The following TMCC2 variants were observed in gnomAD, a reference collection of about 807,000 sequenced individuals.
TMCC2 encodes transmembrane and coiled-coil domain family 2.
A neutral mutation model predicts 49.4 loss-of-function variants in TMCC2; 16 were observed. That is an observed-to-expected ratio of 0.32 (90% CI 0.22 to 0.49). The LOEUF is 0.49. Ranked by LOEUF, TMCC2 falls within the 20% of genes least tolerant of loss-of-function variation. TMCC2 has a pLI of 0.99. For missense variants in TMCC2, 762 were observed against 989.8 expected, an observed-to-expected ratio of 0.77 and a Z score of 3.09; for synonymous variants, 397 against 434.1, an observed-to-expected ratio of 0.91 and a Z score of 1.06.
chr1:205,228,904 G>A (rs969394348), intron 1 of TMCC2, 133 bp downstream of exon 1: 38 of 1,437,138 alleles, frequency 2.6e-5, no homozygotes, highest in Middle Eastern at 2.6e-4. Context: ...CGGATGCTTT[G>A]CTGGCACCCC....
rs1318479598 is a variant in TMCC2 at position 205,269,482 on chromosome 1, A to G, written c.1280A>G (p.Glu427Gly). The G allele has an allele frequency of 2.5e-6, 4 of 1,607,820 alleles. No homozygotes were observed. Among genetic ancestry groups the G allele is most frequent in the Non-Finnish European group, 3.4e-6 (4 of 1,175,656 alleles). Residue 427 changes from glutamate (E) to glycine (G), a missense_variant, in exon 3 of 5, where the codon GAG becomes GGG. By Grantham distance (98) the Glu-to-Gly change is moderately conservative. Around this residue, in one of 2 missense-constraint regions of TMCC2, gnomAD observed 440 missense variants for 636.7 expected, o/e 0.69. Transcript: ENST00000358024. ...THTAVVSKPREFASLIRNKFG... is the reference protein window; with the variant it reads ...THTAVVSKPRGFASLIRNKFG... ...ACCGCCGTGGTGTCCAAGCCCCGGG[A>G]GTTTGCCAGCCTCATCCGCAACAAG...
rs758163167 is a variant in TMCC2, at chr1:205,269,312, G to A, written c.1110G>A (p.Ser370=). ...RLKEIEQNGP[S]RQPKDVLRDM... The stretch of plus-strand genomic sequence containing the variant: ...AGGAGATTGAGCAGAACGGGCCCTC[G>A]CGGCAGCCCAAGGACGTGCTGCGGG... The change falls in exon 3 of 5, where the codon TCG becomes TCA. Residue 370 remains serine (S), a synonymous_variant. Coordinates refer to ENST00000358024, the MANE Select transcript of TMCC2 (RefSeq NM_014858.4). 6.8e-6 allele frequency: 11 copies of A among 1,613,318 alleles called. No homozygotes were observed. Among genetic ancestry groups the A allele is most frequent in the Non-Finnish European group, 8.5e-6 (10 of 1,179,982 alleles).
intron 2 of TMCC2, among the ~76,000 whole-genome samples, chr1:205,268,570 C>T (rs1186645534): frequency 3.3e-5 from 5 of 152,144 alleles, no homozygotes; most frequent in Admixed American, 6.5e-5. Flanking sequence ...GCTGAGATTA[C>T]GCTACTGCAG....
intron 1 of TMCC2, among the ~76,000 whole-genome samples, chr1:205,234,985 G>A (rs1239331167): frequency 6.6e-6 from 1 of 152,052 alleles, no homozygotes; most frequent in African/African-American, 2.4e-5. Flanking sequence ...AGAAGGGGTG[G>A]GACATTTATT....
chr1:205,251,734 G>C (rs535224225), intron 2 of TMCC2, among the ~76,000 whole-genome samples: 1 of 152,330 alleles, frequency 6.6e-6, no homozygotes, highest in South Asian at 2.1e-4. Context: ...TGGCTTATGG[G>C]CATGCCCCCC....
intron 2 of TMCC2, among the ~76,000 whole-genome samples, chr1:205,243,379 G>A (rs554852626): frequency 6.7e-6 from 1 of 150,172 alleles, no homozygotes; most frequent in African/African-American, 2.4e-5. Context: ...GCGAGACTTC[G>A]TCTCAAAAAA....
rs1660267709 is a variant in TMCC2 at position 205,241,651 on chromosome 1, C to G, written c.354C>G (p.Asp118Glu). Residue 118 changes from aspartate (D) to glutamate (E), a missense_variant, in exon 2 of 5, where the codon GAC (aspartate) becomes GAG (glutamate). Physicochemically the swap from Asp to Glu is conservative, Grantham distance 45. Transcript: ENST00000358024. This position sits in a 1 kb window ranked among gnomAD's most constrained non-coding sequence, Gnocchi z 7.3. ...AGCAGCAGGGTATGTCCGACCATGA[C>G]TCCCCAGATGAGAAGGAGCGCTCTC... ...HQQQQGMSDHDSPDEKERSPE... is the reference protein window; with the variant it reads ...HQQQQGMSDHESPDEKERSPE... 6.2e-7 allele frequency: 1 copy of G among 1,613,796 alleles called. No homozygotes were observed. The highest frequency in any genetic ancestry group is 1.1e-5 in the South Asian group (1 of 91,078).
chr1:205,256,501 G>A (rs1210053821), intron 2 of TMCC2: 2 of 1,330,048 alleles, frequency 1.5e-6, no homozygotes, highest in East Asian at 2.5e-5. Flanking sequence ...TAGTGCAGAA[G>A]TGGCCATTGG....
intron 2 of TMCC2, among the ~76,000 whole-genome samples, chr1:205,251,754 C>T (rs1660678326): frequency 1.3e-5 from 2 of 152,216 alleles, no homozygotes; most frequent in South Asian, 4.1e-4. Context: ...CAAGAGGTGC[C>T]ACTCATGTCC....
Position 205,228,451 on chromosome 1 carries a change from C to G in TMCC2, c.-114C>G. ...TCAAGAAATTGTGGTCTGCCATCTC[C>G]CCTCCTTGTTAATAATTTAGACCCC... On this transcript the variant is annotated 5_prime_UTR_variant, in exon 1 of 5. Coordinates refer to ENST00000358024, the MANE Select transcript of TMCC2 (RefSeq NM_014858.4). The G allele has an allele frequency of 1.2e-6, 1 of 862,488 alleles. No homozygotes were observed. The highest frequency in any genetic ancestry group is 2.1e-5 in the South Asian group (1 of 46,970). 53.4% of individuals were successfully genotyped at this position (862,488 alleles called of 1,614,324 possible). A position where few individuals can be genotyped will look rare whatever the true frequency, so the allele number is the denominator to read the frequency against.
chr1:205,239,322 G>C lies in TMCC2; in HGVS notation c.208-2183G>C, dbSNP rs1660178502. On this transcript the variant is annotated intron_variant, in intron 1 of 4. Transcript: ENST00000358024. ...TCACATCAGCTTGGGCCTGGGGAAG[G>C]GGGAGGTGTCCTGGCAGGTCCCTGG... is the stretch of plus-strand genomic sequence containing the variant. Among the ~76,000 whole-genome samples the C allele has an allele frequency of 3.9e-5, 6 of 152,198 alleles. No individual in the cohort carries two copies. The South Asian group carries it at 1.2e-3, about 32-fold the overall frequency.
intron 1 of TMCC2, among the ~76,000 whole-genome samples, chr1:205,238,338 T>C (rs930988951): frequency 4.6e-5 from 7 of 152,324 alleles, no homozygotes; most frequent in Admixed American, 4.6e-4. Context: ...TGCGTCACTT[T>C]GCTGTTCCCG....
At position 205,271,868 on chromosome 1, in the gene TMCC2, A is replaced by AGCAGCAGGTGGT; in HGVS notation, c.1875_1886dup (p.Gln627_Gln630dup). ...ACCAAGCTGGAGCTGCAGCAGCAAC[A>AGCAGCAGGTGGT]GCAGCAGGTGGTACAGCTGGAGGGC... is the stretch of plus-strand genomic sequence containing the variant. On this transcript the variant is annotated inframe_insertion, in exon 5 of 5. Coordinates refer to ENST00000358024, the MANE Select transcript of TMCC2 (RefSeq NM_014858.4). The AGCAGCAGGTGGT allele has an allele frequency of 6.2e-7, 1 of 1,613,948 alleles. No homozygotes were observed. Among genetic ancestry groups the AGCAGCAGGTGGT allele is most frequent in the Non-Finnish European group, 8.5e-7 (1 of 1,180,020 alleles).
chr1:205,269,316 C>A lies in TMCC2; in HGVS notation c.1114C>A (p.Gln372Lys). 1 of 1,613,396 alleles carries A rather than the reference C, an allele frequency of 6.2e-7. No individual in the cohort carries two copies. The highest frequency in any genetic ancestry group is 8.5e-7 in the Non-Finnish European group (1 of 1,179,964). Reference sequence around the variant, plus strand: ...GATTGAGCAGAACGGGCCCTCGCGGCAGCCCAAGGACGTGCTGCGGGACAT... The same window carrying A: ...GATTGAGCAGAACGGGCCCTCGCGGAAGCCCAAGGACGTGCTGCGGGACAT... ...KEIEQNGPSR[Q>K]PKDVLRDMQQ... Residue 372 changes from glutamine to lysine, a missense_variant, in exon 3 of 5, where the codon CAG (glutamine) becomes AAG (lysine). Gln to Lys is a moderately conservative substitution (Grantham distance 53). Around this residue, in one of 2 missense-constraint regions of TMCC2, gnomAD observed 440 missense variants for 636.7 expected, o/e 0.69. Coordinates refer to ENST00000358024, the MANE Select transcript of TMCC2 (RefSeq NM_014858.4).
At chr1:205,263,285 A>T (rs574372525) in intron 2 of TMCC2, among the ~76,000 whole-genome samples, 1 of 152,070 alleles carries the variant, frequency 6.6e-6, no homozygotes, top group African/African-American at 2.4e-5. Context: ...TTTAAATGCT[A>T]TGGCCAATAT....
chr1:205,267,818 G>A (rs1661406482), intron 2 of TMCC2: 1 of 956,942 alleles, frequency 1.0e-6, no homozygotes, highest in Admixed American at 6.2e-5. Context: ...GAAGGGGGCT[G>A]TCATTTCCTT....
chr1:205,228,873 G>T, intron 1 of TMCC2, 102 bp downstream of exon 1: 1 of 1,464,904 alleles, frequency 6.8e-7, no homozygotes, highest in Non-Finnish European at 9.0e-7. Context: ...GGGAAGCCAG[G>T]CAAAGGTCAG....
In TMCC2 at chr1:205,269,066, C is replaced by T; in HGVS notation, c.864C>T (p.Ala288=). The change falls in exon 3 of 5, where the codon GCC becomes GCT. Residue 288 remains alanine, a synonymous_variant. Transcript: ENST00000358024. ...CGGACCCCCAGCGGACCAAGGCCGC[C>T]ATTGACCACCTGCACCAGAAGATCC... is the stretch of plus-strand genomic sequence containing the variant. The part of the protein sequence containing the change: ...GAPDPQRTKA[A]IDHLHQKILK... 6.2e-7 allele frequency: 1 copy of T among 1,613,806 alleles called. No individual in the cohort carries two copies. The highest frequency in any genetic ancestry group is 8.5e-7 in the Non-Finnish European group (1 of 1,180,028).
intron 2 of TMCC2, 110 bp downstream of exon 2, chr1:205,242,154 AC>A: frequency 8.2e-7 from 1 of 1,218,260 alleles, no homozygotes; most frequent in Non-Finnish European, 1.1e-6. Context: ...AGATACTGAC[AC>A]CCCACCGTCT....
Sources: allele counts gnomAD v4.1 joint callset (sites outside exome capture counted in the v4.1 genomes callset), GRCh38; gene constraint gnomAD v4.1.1; regional missense constraint gnomAD v4.1.1; non-coding constraint Gnocchi (gnomAD v3.1); transcripts MANE v1.5; gene names NCBI Gene and HGNC (gene_info 2026-07-23, HGNC 2026-07-21).